FAM117B: variants seen among roughly 807,000 people sequenced by gnomAD.
FAM117B encodes the protein protein FAM117B.
Under a neutral mutation model 52.8 loss-of-function variants are expected in FAM117B, and 22 were observed. The observed-to-expected ratio is 0.42, with a 90% confidence interval of 0.30 to 0.59. The LOEUF (loss-of-function observed/expected upper bound fraction) is 0.59. Among genes scored for constraint, FAM117B ranks in the 20% least tolerant of loss-of-function variants. FAM117B has a pLI of 0.22. For synonymous variants in FAM117B, 309 were observed against 324.1 expected, an observed-to-expected ratio of 0.95 and a Z score of 0.50; for missense variants, 678 against 802.6, an observed-to-expected ratio of 0.84 and a Z score of 1.88.
At chr2:202,638,875 TGTCTCATA>T (rs1281395823) in intron 1 of FAM117B, among the ~76,000 whole-genome samples, 3 of 152,250 alleles carry the variant, frequency 2.0e-5, no homozygotes. Context: ...CTAGTTTGAA[TGTCTCATA>T]GTTTCATTCC....
intron 1 of FAM117B, among the ~76,000 whole-genome samples, chr2:202,653,181 T>C (rs1216364671): frequency 6.6e-6 from 1 of 151,896 alleles, no homozygotes; most frequent in Non-Finnish European, 1.5e-5. Flanking sequence ...GGTGGAAAGA[T>C]CCCTTGAGCC....
At chr2:202,689,687 GC>G (rs1393258129) in intron 1 of FAM117B, among the ~76,000 whole-genome samples, 1 of 152,118 alleles carries the variant, frequency 6.6e-6, no homozygotes, top group Admixed American at 6.5e-5. Flanking sequence ...AGAGCCTGAG[GC>G]CAGTGGACTG....
chr2:202,637,933 A>G (rs1418223704), intron 1 of FAM117B, among the ~76,000 whole-genome samples: 1 of 148,388 alleles, frequency 6.7e-6, no homozygotes. Context: ...CTGGAGTGCA[A>G]TGGGGCAATC....
At chr2:202,648,121 C>T (rs373078889) in intron 1 of FAM117B, among the ~76,000 whole-genome samples, 1 of 152,158 alleles carries the variant, frequency 6.6e-6, no homozygotes, top group East Asian at 1.9e-4. Flanking sequence ...ATACAGTCAG[C>T]AGTCTTCTTG....
chr2:202,708,161 C>G (rs1690903130), intron 2 of FAM117B, among the ~76,000 whole-genome samples: 1 of 152,196 alleles, frequency 6.6e-6, no homozygotes, highest in Non-Finnish European at 1.5e-5. Context: ...GATAATTATA[C>G]AGCAGATCTC....
intron 1 of FAM117B, among the ~76,000 whole-genome samples, chr2:202,659,189 A>T (rs995351915): frequency 1.3e-5 from 2 of 151,852 alleles, no homozygotes; most frequent in African/African-American, 4.8e-5. Context: ...TATTTTAAGT[A>T]GAGACGGGGT....
At position 202,714,349 on chromosome 2, in the gene FAM117B, A is replaced by AT. The variant is rs1167487961; in HGVS notation, c.754-10561dup. Among the ~76,000 whole-genome samples the AT allele has an allele frequency of 5.3e-5, 8 of 151,984 alleles. No individual in the cohort carries two copies. In the East Asian group the frequency reaches 1.5e-3, roughly 29 times the overall value. ...TGATTTATAGTATAGATTGAGTCTG[A>AT]TTTTTTTGTTGTTGATTTTATGTAT... On this transcript the variant is annotated intron_variant, in intron 2 of 7. Coordinates refer to ENST00000392238, the MANE Select transcript of FAM117B (RefSeq NM_173511.4).
At chr2:202,756,830 T>G (rs186293384) in intron 5 of FAM117B, among the ~76,000 whole-genome samples, 2 of 152,334 alleles carry the variant, frequency 1.3e-5, no homozygotes, top group Admixed American at 1.3e-4. Flanking sequence ...GTGGCATCAG[T>G]GTTCCTGGTT....
At chr2:202,722,909 G>C (rs1447967265) in intron 2 of FAM117B, among the ~76,000 whole-genome samples, 1 of 151,828 alleles carries the variant, frequency 6.6e-6, no homozygotes, top group Non-Finnish European at 1.5e-5. Flanking sequence ...TTTTGATTTT[G>C]ATACTTTATG....
At chr2:202,641,219 A>G (rs1294468360) in intron 1 of FAM117B, among the ~76,000 whole-genome samples, 1 of 152,202 alleles carries the variant, frequency 6.6e-6, no homozygotes, top group Non-Finnish European at 1.5e-5. Flanking sequence ...AGAGGAGATG[A>G]ATTTTGAATT....
chr2:202,709,482 G>T (rs1221445175), intron 2 of FAM117B, among the ~76,000 whole-genome samples: 1 of 152,180 alleles, frequency 6.6e-6, no homozygotes, highest in African/African-American at 2.4e-5. Flanking sequence ...GATTACAGGC[G>T]TGAGCCACCA....
chr2:202,765,829 T>C lies in FAM117B; in HGVS notation c.*65T>C, dbSNP rs1432955489. 1.1e-5 allele frequency: 16 copies of C among 1,498,604 alleles called. No homozygotes were observed. Among genetic ancestry groups the C allele is most frequent in the Admixed American group, 1.9e-5 (1 of 53,270 alleles). The allele number at this position is 1,498,604 out of a possible 1,614,324, so 92.8% of individuals were successfully genotyped here. A position where few individuals can be genotyped will look rare whatever the true frequency, so the allele number is the denominator to read the frequency against. ...ACCTCCTCAGATCACTGGATTCTGA[T>C]GGCATCGTGCGCTTCTGGTCGGCTG... On this transcript the variant is annotated 3_prime_UTR_variant, in exon 8 of 8. Transcript: ENST00000392238.
intron 4 of FAM117B, among the ~76,000 whole-genome samples, chr2:202,742,013 G>A (rs1691550309): frequency 6.6e-6 from 1 of 151,984 alleles, no homozygotes; most frequent in Non-Finnish European, 1.5e-5. Context: ...ATCTACATGG[G>A]GAAAATTAAG....
intron 1 of FAM117B, among the ~76,000 whole-genome samples, chr2:202,695,547 T>C (rs542609916): frequency 5.3e-5 from 8 of 152,338 alleles, no homozygotes; most frequent in East Asian, 1.9e-4. Context: ...ATTTTTGTTT[T>C]ACTTAATGGC....
chr2:202,698,203 T>C (rs908928789), intron 2 of FAM117B, among the ~76,000 whole-genome samples: 1 of 152,194 alleles, frequency 6.6e-6, no homozygotes, highest in Non-Finnish European at 1.5e-5. Context: ...TAAACACTTT[T>C]CTGTGATGGT....
intron 1 of FAM117B, among the ~76,000 whole-genome samples, chr2:202,661,502 A>T (rs1690126517): frequency 6.6e-6 from 1 of 152,188 alleles, no homozygotes. Flanking sequence ...TACCATTTTA[A>T]TATTGAGGTT....
At chr2:202,709,927 T>C (rs1057497669) in intron 2 of FAM117B, among the ~76,000 whole-genome samples, 21 of 152,294 alleles carry the variant, frequency 1.4e-4, no homozygotes, top group East Asian at 1.3e-3. Flanking sequence ...TCATTGAAGA[T>C]TGGTTGAGTG....
At chr2:202,666,225 T>A (rs1690203232) in intron 1 of FAM117B, among the ~76,000 whole-genome samples, 1 of 152,020 alleles carries the variant, frequency 6.6e-6, no homozygotes. Context: ...TTATAAACTT[T>A]ACATTAAAAA....
At chr2:202,733,399 G>A (rs1691388621) in intron 4 of FAM117B, among the ~76,000 whole-genome samples, 1 of 152,050 alleles carries the variant, frequency 6.6e-6, no homozygotes, top group Admixed American at 6.6e-5. Context: ...TACCAGGACG[G>A]GATCTTTTCC....
Sources: gnomAD v4.1 joint callset for allele counts (sites outside exome capture counted in the v4.1 genomes callset) on GRCh38, gnomAD v4.1.1 for gene constraint, MANE v1.5 for transcripts, NCBI Gene and HGNC (gene_info 2026-07-23, HGNC 2026-07-21) for gene names.